DAPK2: variants seen among roughly 807,000 people sequenced by gnomAD.
DAPK2 encodes the protein death-associated protein kinase 2.
A neutral mutation model predicts 44.1 loss-of-function variants in DAPK2; 35 were observed. That is an observed-to-expected ratio of 0.79 (90% confidence interval 0.61 to 1.05). The LOEUF (loss-of-function observed/expected upper bound fraction) is 1.05, where lower values mean the gene tolerates loss of function less well. Among genes scored for constraint, DAPK2 ranks in the 50% least tolerant of loss-of-function variants. The pLI is 0.00. For synonymous variants in DAPK2, 174 were observed against 182.6 expected (o/e 0.95, Z 0.38); for missense variants, 453 against 483.2 (o/e 0.94, Z 0.59).
At chr15:63,996,148 G>C (rs559070486) in intron 1 of DAPK2, among the ~76,000 whole-genome samples, 1 of 152,290 alleles carries the variant, frequency 6.6e-6, no homozygotes, top group East Asian at 1.9e-4. Context: ...AAAAATTCAG[G>C]CACAGCCAGA....
At position 63,975,604 on chromosome 15, in the gene DAPK2, C is replaced by CTT. The variant is rs11418947; in HGVS notation, c.315-4045_315-4044dup. Among the ~76,000 whole-genome samples the CTT allele has an allele frequency of 3.7e-3, 545 of 146,432 alleles. 7 individuals are homozygous for CTT. Among genetic ancestry groups the CTT allele is most frequent in the East Asian group, 0.017 (86 of 4,966 alleles). The stretch of plus-strand genomic sequence containing the variant: ...GTATTGCAGATGATTCTTTTCTTTT[C>CTT]TTTTTTTTTTTTGAGACAGAGTCTC... On this transcript the variant is annotated intron_variant, in intron 2 of 10. Coordinates refer to ENST00000261891, the Ensembl canonical transcript of DAPK2.
intron 4 of DAPK2, among the ~76,000 whole-genome samples, chr15:63,932,889 T>C (rs1053049509): frequency 2.6e-5 from 4 of 152,256 alleles, no homozygotes; most frequent in Non-Finnish European, 2.9e-5. Context: ...TCACTGATTG[T>C]TCATCCATGC....
chr15:64,019,331 T>G (rs2079619753), intron 1 of DAPK2, among the ~76,000 whole-genome samples: 1 of 152,256 alleles, frequency 6.6e-6, no homozygotes. Context: ...CACATCTGCT[T>G]TTATGGATAT....
intron 4 of DAPK2, among the ~76,000 whole-genome samples, chr15:63,937,333 T>C (rs934932231): frequency 6.6e-6 from 1 of 152,222 alleles, no homozygotes; most frequent in Non-Finnish European, 1.5e-5. Context: ...GCCAATGCTA[T>C]AAATTAGGGA....
chr15:63,933,897 AT>A (rs889399348), intron 4 of DAPK2, among the ~76,000 whole-genome samples: 7 of 150,822 alleles, frequency 4.6e-5, no homozygotes, highest in South Asian at 4.2e-4. Context: ...TTCCAGCTGA[AT>A]TTTTTTTTTA....
chr15:63,954,192 T>C (rs1005409008), intron 3 of DAPK2, among the ~76,000 whole-genome samples: 10 of 152,188 alleles, frequency 6.6e-5, no homozygotes, highest in Admixed American at 1.3e-4. Flanking sequence ...CTTGGTTACC[T>C]GTGCTTGTGG....
At chr15:63,925,249 C>A (rs575972848) in intron 7 of DAPK2, among the ~76,000 whole-genome samples, 2 of 152,206 alleles carry the variant, frequency 1.3e-5, no homozygotes, top group African/African-American at 4.8e-5. Context: ...TGCTCTGTAC[C>A]CAGGTAAGCA....
chr15:63,992,871 T>C (rs1314830598), intron 1 of DAPK2, among the ~76,000 whole-genome samples: 1 of 152,024 alleles, frequency 6.6e-6, no homozygotes, highest in Non-Finnish European at 1.5e-5. Flanking sequence ...CTCCTAGAAA[T>C]GCCAGCCAGG....
chr15:63,991,562 C>T (rs7172088), intron 1 of DAPK2, among the ~76,000 whole-genome samples: 6,539 of 149,242 alleles, frequency 0.044, 314 homozygotes, highest in African/African-American at 0.12. Context: ...AAAAGCTGTG[C>T]TTCTTTTGGA....
At chr15:63,911,793 C>A in intron 10 of DAPK2, 115 bp downstream of exon 11, 3 of 1,033,442 alleles carry the variant, frequency 2.9e-6, no homozygotes, top group Non-Finnish European at 1.5e-6. Context: ...GCCAGCAGAA[C>A]TGGCTGGAAA....
chr15:63,909,670 T>C (rs775198415), intron 10 of DAPK2: 1 of 152,000 alleles, frequency 6.6e-6, no homozygotes, highest in East Asian at 1.9e-4. Context: ...GGCATGGTGG[T>C]GCAAGCCTGT....
chr15:63,940,330 G>C (rs1016383743), intron 3 of DAPK2, among the ~76,000 whole-genome samples: 4 of 151,980 alleles, frequency 2.6e-5, no homozygotes, highest in Non-Finnish European at 5.9e-5. Flanking sequence ...GGATAAACAA[G>C]ATGTGAACAC....
chr15:63,975,747 T>C (rs1351944338), intron 2 of DAPK2, among the ~76,000 whole-genome samples: 1 of 152,130 alleles, frequency 6.6e-6, no homozygotes, highest in Non-Finnish European at 1.5e-5. Flanking sequence ...TACAGGCACA[T>C]GCCGCTACGC....
chr15:64,018,550 G>A (rs772969734), intron 1 of DAPK2, among the ~76,000 whole-genome samples: 1 of 152,134 alleles, frequency 6.6e-6, no homozygotes, highest in Non-Finnish European at 1.5e-5. Flanking sequence ...GCAGATGAAA[G>A]TCCCTCCCAG....
At chr15:63,922,410 C>A in intron 8 of DAPK2, 1 of 1,093,040 alleles carries the variant, frequency 9.1e-7, no homozygotes, top group Non-Finnish European at 1.1e-6. Flanking sequence ...ACAAATCCTT[C>A]ATCACAAATC....
intron 7 of DAPK2, among the ~76,000 whole-genome samples, chr15:63,925,299 C>G (rs1296027501): frequency 6.6e-6 from 1 of 152,058 alleles, no homozygotes; most frequent in Non-Finnish European, 1.5e-5. Flanking sequence ...AAATCAGGGC[C>G]CTTGCACTCC....
rs925843936 is a variant in DAPK2 at position 63,970,805 on chromosome 15, C to T, written c.453+618G>A. 6.6e-5 allele frequency among the ~76,000 whole-genome samples: 10 copies of T among 152,198 alleles called. No homozygotes were observed. The East Asian group carries it at 1.5e-3, about 23-fold the overall frequency. Reference sequence around the variant, plus strand: ...AAGGGAACTGATCCTTCTACTTTGACCACATTCTTGCTTTATGAAGTCCTA... The same window carrying T: ...AAGGGAACTGATCCTTCTACTTTGATCACATTCTTGCTTTATGAAGTCCTA... On this transcript the variant is annotated intron_variant, in intron 3 of 10. Coordinates refer to ENST00000261891, the Ensembl canonical transcript of DAPK2.
intron 1 of DAPK2, among the ~76,000 whole-genome samples, chr15:64,025,074 C>T (rs1257848980): frequency 6.6e-6 from 1 of 152,036 alleles, no homozygotes; most frequent in Non-Finnish European, 1.5e-5. Flanking sequence ...TTAACAACCA[C>T]CTTCCCTGTT....
exon 6 of DAPK2, chr15:63,929,573 T>C: frequency 6.2e-7 from 1 of 1,614,158 alleles, no homozygotes; most frequent in Non-Finnish European, 8.5e-7. Context: ...ATGACGCCTA[T>C]GCTCCTGCAA....
Sources: gnomAD v4.1 joint callset for allele counts (sites outside exome capture counted in the v4.1 genomes callset) on GRCh38, gnomAD v4.1.1 for gene constraint, MANE v1.5 for transcripts, NCBI Gene and HGNC (gene_info 2026-07-23, HGNC 2026-07-21) for gene names.